Variants in PRKAG2 observed in about 807,000 individuals in gnomAD.
PRKAG2 encodes protein kinase AMP-activated non-catalytic subunit gamma 2, also known as 5'-AMP-activated protein kinase subunit gamma-2.
PRKAG2 carries 26 observed loss-of-function variants against 69.6 expected under a neutral mutation model. The ratio of observed to expected loss-of-function variants is 0.37; its 90% confidence interval spans 0.27 to 0.52. The LOEUF (loss-of-function observed/expected upper bound fraction) is 0.52. Among genes scored for constraint, PRKAG2 ranks in the 20% least tolerant of loss-of-function variants. The probability of loss-of-function intolerance (pLI) is 0.90; values close to 1 mark genes in which losing one functional copy is unlikely to be tolerated. For missense variants in PRKAG2, 557 were observed against 740.0 expected (o/e 0.75, Z 2.87); for synonymous variants, 293 against 285.0 (o/e 1.03, Z -0.28).
chr7:151,635,250 C>G (rs1825541537), intron 4 of PRKAG2, among the ~76,000 whole-genome samples: 1 of 152,194 alleles, frequency 6.6e-6, no homozygotes, highest in Admixed American at 6.5e-5. Flanking sequence ...TGTGCCTGGT[C>G]AGGAACCACC....
In PRKAG2 at chr7:151,556,837, G is replaced by A. The variant is rs1408923295; in HGVS notation, c.*364C>T. The A allele has an allele frequency of 2.3e-5, 6 of 260,590 alleles. No individual in the cohort carries two copies. The highest frequency in any genetic ancestry group is 2.0e-4 in the Admixed American group (4 of 20,160). The allele number at this position is 260,590 out of a possible 1,614,324, so 16.1% of individuals were successfully genotyped here. On this transcript the variant is annotated 3_prime_UTR_variant, in exon 16 of 16. Coordinates refer to ENST00000287878, the MANE Select transcript of PRKAG2 (RefSeq NM_016203.4). Reference sequence around the variant, plus strand: ...GCGGCGGTGACATATTGCTGTATTCGGACATAAGGCACTGTGATCTGAACA... The same window carrying A: ...GCGGCGGTGACATATTGCTGTATTCAGACATAAGGCACTGTGATCTGAACA...
In PRKAG2 at chr7:151,720,317, G is replaced by A. The variant is rs1284080998; in HGVS notation, c.467-44680C>T. On this transcript the variant is annotated intron_variant, in intron 3 of 15. Coordinates refer to ENST00000287878, the MANE Select transcript of PRKAG2 (RefSeq NM_016203.4). ...CAAGCCAGTTCGCGTTTGAGTTTCT[G>A]TTACTTCCAGCCCCAAAAGCACCCT... 2.6e-5 allele frequency among the ~76,000 whole-genome samples: 4 copies of A among 151,928 alleles called. No individual in the cohort carries two copies. In the East Asian group the frequency reaches 7.8e-4, roughly 29 times the overall value.
At chr7:151,663,321 G>A (rs1341036403) in intron 4 of PRKAG2, among the ~76,000 whole-genome samples, 1 of 152,180 alleles carries the variant, frequency 6.6e-6, no homozygotes, top group Non-Finnish European at 1.5e-5. Context: ...AAGGCAAGGA[G>A]TATAATCTTC....
chr7:151,807,459 G>T lies in PRKAG2; in HGVS notation c.115-20918C>A. 2.2e-6 allele frequency: 1 copy of T among 457,836 alleles called. No homozygotes were observed. The highest frequency in any genetic ancestry group is 4.4e-6 in the Non-Finnish European group (1 of 226,982). 28.4% of individuals were successfully genotyped at this position (457,836 alleles called of 1,614,324 possible). A position where few individuals can be genotyped will look rare whatever the true frequency, so the allele number is the denominator to read the frequency against. Reference sequence around the variant, plus strand: ...ACTCTCCAGTTTCAATTGGCCTCTTGGTGCCAAAGCACCATGGCGTGTTAC... The same window carrying T: ...ACTCTCCAGTTTCAATTGGCCTCTTTGTGCCAAAGCACCATGGCGTGTTAC... On this transcript the variant is annotated intron_variant, in intron 1 of 15. Coordinates refer to ENST00000287878, the MANE Select transcript of PRKAG2 (RefSeq NM_016203.4). This position sits in a 1 kb window ranked among gnomAD's most constrained non-coding sequence, Gnocchi z 4.4.
intron 3 of PRKAG2, among the ~76,000 whole-genome samples, chr7:151,683,387 C>G (rs1834177559): frequency 6.6e-6 from 1 of 152,212 alleles, no homozygotes; most frequent in Admixed American, 6.5e-5. Context: ...GCCATGGGCT[C>G]TGGGACAAAT....
At chr7:151,800,504 C>T (rs2077784133) in intron 1 of PRKAG2, among the ~76,000 whole-genome samples, 1 of 152,208 alleles carries the variant, frequency 6.6e-6, no homozygotes, top group Admixed American at 6.5e-5. Flanking sequence ...CCTCCCAGCA[C>T]CGCAATGACA....
rs1167891581 is a variant in PRKAG2 at position 151,782,428 on chromosome 7, A to AGAAG, written c.187-998_187-997insCTTC. 2.2e-3 allele frequency among the ~76,000 whole-genome samples: 163 copies of AGAAG among 75,058 alleles called. 1 individual carries two copies. The highest frequency in any genetic ancestry group is 0.015 in the East Asian group (36 of 2,326). The allele number at this position is 75,058 out of a possible 152,430, so 49.2% of individuals were successfully genotyped here. On this transcript the variant is annotated intron_variant, in intron 2 of 15. Transcript: ENST00000287878. ...AGGAAGGAAGGAAGGAAGGAAGGAA[A>AGAAG]GAAAGAAGGAAAGAAGGAAGTTAAC... is the stretch of plus-strand genomic sequence containing the variant.
intron 1 of PRKAG2, among the ~76,000 whole-genome samples, chr7:151,872,912 C>T (rs1302305811): frequency 6.6e-6 from 1 of 152,232 alleles, no homozygotes; most frequent in Non-Finnish European, 1.5e-5. Flanking sequence ...CGCCTTAGGC[C>T]TGGTCTTCAA....
At chr7:151,603,545 G>A (rs1337678672) in intron 5 of PRKAG2, among the ~76,000 whole-genome samples, 1 of 122,122 alleles carries the variant, frequency 8.2e-6, no homozygotes, top group East Asian at 2.6e-4. Context: ...GGAGGCACCC[G>A]CTCCGTCCTC....
At chr7:151,840,717 C>A (rs2079256456) in intron 1 of PRKAG2, among the ~76,000 whole-genome samples, 1 of 152,254 alleles carries the variant, frequency 6.6e-6, no homozygotes, top group African/African-American at 2.4e-5. Flanking sequence ...AGTGGTCCAG[C>A]AGGGTGCACA....
chr7:151,560,210 C>A (rs1052837037), intron 15 of PRKAG2: 4 of 1,223,028 alleles, frequency 3.3e-6, no homozygotes, highest in African/African-American at 3.1e-5. Flanking sequence ...AGTTCTCTCA[C>A]AAAGCACAAT....
intron 5 of PRKAG2, among the ~76,000 whole-genome samples, chr7:151,596,428 G>C (rs6956483): frequency 0.035 from 5,396 of 152,276 alleles, 318 homozygotes; most frequent in African/African-American, 0.12. Context: ...AAGACCTCTA[G>C]AGTGAAAACT....
intron 3 of PRKAG2, among the ~76,000 whole-genome samples, chr7:151,677,796 G>A (rs553965311): frequency 8.7e-4 from 133 of 152,128 alleles, no homozygotes; most frequent in Non-Finnish European, 1.7e-3. Context: ...CCTTACTTCC[G>A]CTTTCTGTGG....
chr7:151,856,433 T>C (rs962977133), intron 1 of PRKAG2, among the ~76,000 whole-genome samples: 1 of 152,218 alleles, frequency 6.6e-6, no homozygotes, highest in African/African-American at 2.4e-5. Flanking sequence ...TTTTGCCTTC[T>C]TCATTGCCCC....
At chr7:151,803,697 A>G (rs904857244) in intron 1 of PRKAG2, among the ~76,000 whole-genome samples, 3 of 151,792 alleles carry the variant, frequency 2.0e-5, no homozygotes, top group East Asian at 1.9e-4. Flanking sequence ...AGCAACGGCT[A>G]TATTATCCAG....
intron 1 of PRKAG2, among the ~76,000 whole-genome samples, chr7:151,813,483 G>A (rs1417867907): frequency 3.0e-5 from 4 of 133,092 alleles, no homozygotes; most frequent in South Asian, 3.0e-4. Flanking sequence ...TACGGAAGGC[G>A]ATTGTAAGGA....
At chr7:151,759,291 T>C (rs979376689) in intron 3 of PRKAG2, among the ~76,000 whole-genome samples, 1 of 152,192 alleles carries the variant, frequency 6.6e-6, no homozygotes, top group Non-Finnish European at 1.5e-5. Flanking sequence ...AATGTCTCCA[T>C]GTCAGAGGCT....
chr7:151,638,677 C>T lies in PRKAG2; in HGVS notation c.685-6539G>A, dbSNP rs1390364191. Among the ~76,000 whole-genome samples the T allele has an allele frequency of 6.6e-6, 1 of 151,934 alleles. No homozygotes were observed. Among genetic ancestry groups the T allele is most frequent in the East Asian group, 1.9e-4 (1 of 5,180 alleles). On this transcript the variant is annotated intron_variant, in intron 4 of 15. Coordinates refer to ENST00000287878, the MANE Select transcript of PRKAG2 (RefSeq NM_016203.4). The surrounding 1 kb of genome is among the most constrained non-coding windows in gnomAD (Gnocchi z 4.3). ...TTAAGTTGTGTCTTACATAATTGTGCCCAGGTGCAGCAAAACACTGTATTT... is the reference window on the plus strand; with the variant it reads ...TTAAGTTGTGTCTTACATAATTGTGTCCAGGTGCAGCAAAACACTGTATTT...
chr7:151,628,497 G>T (rs1320474792), intron 5 of PRKAG2, among the ~76,000 whole-genome samples: 2 of 152,172 alleles, frequency 1.3e-5, no homozygotes. Context: ...CAGATCACTT[G>T]AGCCCAGGAG....
Sources: gnomAD v4.1 joint callset for allele counts (sites outside exome capture counted in the v4.1 genomes callset) on GRCh38, gnomAD v4.1.1 for gene constraint, Gnocchi (gnomAD v3.1) non-coding constraint, MANE v1.5 for transcripts, NCBI Gene and HGNC (gene_info 2026-07-23, HGNC 2026-07-21) for gene names.